Variants in PSME4 observed in about 807,000 individuals in gnomAD.
PSME4 encodes proteasome activator complex subunit 4.
PSME4 carries 89 observed loss-of-function variants against 253.9 expected under a neutral mutation model. The ratio of observed to expected loss-of-function variants is 0.35; its 90% confidence interval spans 0.30 to 0.42. The LOEUF (loss-of-function observed/expected upper bound fraction) is 0.42. PSME4 is among the 10% of genes least tolerant of loss of function. PSME4 has a pLI of 1.00. For missense variants in PSME4, 2,014 were observed against 2,195.2 expected (o/e 0.92, Z 1.65); for synonymous variants, 851 against 759.2 (o/e 1.12, Z -1.99).
intron 31 of PSME4, 112 bp downstream of exon 31, chr2:53,897,758 T>A (rs1264791575): frequency 3.3e-5 from 41 of 1,227,828 alleles, no homozygotes; most frequent in Non-Finnish European, 1.2e-6. Flanking sequence ...TTCAAATCAA[T>A]ACACTTCAAG....
At chr2:53,903,206 C>A (rs1680492381) in intron 27 of PSME4, among the ~76,000 whole-genome samples, 1 of 152,118 alleles carries the variant, frequency 6.6e-6, no homozygotes, top group African/African-American at 2.4e-5. Context: ...GTCTAACTGC[C>A]CACTTGATGG....
chr2:53,931,150 C>T (rs769573655), intron 10 of PSME4, among the ~76,000 whole-genome samples: 12 of 152,030 alleles, frequency 7.9e-5, no homozygotes, highest in East Asian at 1.9e-4. Context: ...TGGTGGCGGG[C>T]GCCTGTGATC....
chr2:53,873,238 C>CAAAAAAAAAAAAAACA (rs60203960), intron 43 of PSME4, among the ~76,000 whole-genome samples: 1 of 123,154 alleles, frequency 8.1e-6, no homozygotes, highest in Non-Finnish European at 1.6e-5. Context: ...GACTCCGTCT[C>CAAAAAAAAAAAAAACA]AAAAAAAAAG....
At chr2:53,883,616 T>A (rs187615195) in intron 41 of PSME4, among the ~76,000 whole-genome samples, 1 of 152,314 alleles carries the variant, frequency 6.6e-6, no homozygotes, top group African/African-American at 2.4e-5. Flanking sequence ...TTGAAAATAA[T>A]CTAGTCCTCT....
At chr2:53,947,397 T>C (rs1180768169) in intron 3 of PSME4, among the ~76,000 whole-genome samples, 2 of 152,178 alleles carry the variant, frequency 1.3e-5, no homozygotes, top group African/African-American at 4.8e-5. Flanking sequence ...GCATAGAGAA[T>C]GGTGCTCTTC....
chr2:53,936,975 CAA>C (rs1216870204), intron 5 of PSME4, 148 bp from the exon 6 acceptor site: 1 of 574,754 alleles, frequency 1.7e-6, no homozygotes, highest in African/African-American at 2.0e-5. Context: ...CTTAATAAAA[CAA>C]AGGGGTATTT....
At chr2:53,877,431 T>G (rs1316124927) in intron 41 of PSME4, among the ~76,000 whole-genome samples, 1 of 151,686 alleles carries the variant, frequency 6.6e-6, no homozygotes, top group African/African-American at 2.4e-5. Flanking sequence ...AAAATAAAGT[T>G]TGCTAAGGGA....
In PSME4 at chr2:53,920,224, G is replaced by A; in HGVS notation, c.2389C>T (p.His797Tyr). ...FLQPELVKLQ[H>Y]CGDGKLEMSR... ...ATTTCAAGTTTTCCATCCCCACAATGCTGGAGTTTGACGAGCTCAGGCTGA... is the reference window on the plus strand; with the variant it reads ...ATTTCAAGTTTTCCATCCCCACAATACTGGAGTTTGACGAGCTCAGGCTGA... The change falls in exon 19 of 47, where the codon CAT becomes TAT. Residue 797 changes from histidine (H) to tyrosine (Y), a missense_variant. Physicochemically the swap from His to Tyr is moderately conservative, Grantham distance 83. This residue lies in a region of PSME4 where 989 missense variants were observed against 1,021.1 expected (regional missense o/e 0.97). Coordinates refer to ENST00000404125, the MANE Select transcript of PSME4 (RefSeq NM_014614.3). 1 of 1,613,040 alleles carries A rather than the reference G, an allele frequency of 6.2e-7. No homozygotes were observed.
At chr2:53,889,334 C>T (rs1279073525) in intron 37 of PSME4, among the ~76,000 whole-genome samples, 4 of 152,074 alleles carry the variant, frequency 2.6e-5, no homozygotes, top group South Asian at 2.1e-4. Context: ...TCCTCCTGTA[C>T]ACTTTAAATC....
At chr2:53,947,476 CA>C (rs1291268612) in intron 3 of PSME4, among the ~76,000 whole-genome samples, 1 of 151,796 alleles carries the variant, frequency 6.6e-6, no homozygotes, top group African/African-American at 2.4e-5. Flanking sequence ...GAGGCTGAGG[CA>C]GGGGGATCAC....
chr2:53,920,365 CA>C lies in PSME4; in HGVS notation c.2263-16del. Reference sequence around the variant, plus strand: ...TTGCCCCAGTCCTAGAAGAGAACAGCATCTACTCAGCAAGTTGAGAAATTAA... The same window carrying C: ...TTGCCCCAGTCCTAGAAGAGAACAGCTCTACTCAGCAAGTTGAGAAATTAA... On this transcript the variant is annotated splice_polypyrimidine_tract_variant and intron_variant, in intron 18 of 46. Transcript: ENST00000404125. 6.3e-7 allele frequency: 1 copy of C among 1,575,566 alleles called. No homozygotes were observed. Among genetic ancestry groups the C allele is most frequent in the Non-Finnish European group, 8.6e-7 (1 of 1,162,364 alleles).
chr2:53,944,701 G>A (rs1465094105), intron 3 of PSME4, among the ~76,000 whole-genome samples: 2 of 152,062 alleles, frequency 1.3e-5, no homozygotes, highest in African/African-American at 4.8e-5. Context: ...AAACTCCTAA[G>A]CATGGCCACA....
intron 24 of PSME4, 82 bp from the exon 25 acceptor site, chr2:53,906,950 G>C: frequency 7.5e-7 from 1 of 1,329,380 alleles, no homozygotes; most frequent in Non-Finnish European, 1.1e-6. Flanking sequence ...ACCTTAATAA[G>C]TGGTCAAAAA....
chr2:53,910,429 C>T lies in PSME4; in HGVS notation c.2517-299G>A, dbSNP rs576222382. Among the ~76,000 whole-genome samples, 490 of 152,252 alleles carry T rather than the reference C, an allele frequency of 3.2e-3. 2 individuals carry two copies. Among genetic ancestry groups the T allele is most frequent in the Non-Finnish European group, 3.6e-3 (248 of 68,008 alleles). ...AAAGATTAAATATGATAAACCTTTA[C>T]ATAAAGAAAAGTCAGCTTAATAATG... On this transcript the variant is annotated intron_variant, in intron 20 of 46. Coordinates refer to ENST00000404125, the MANE Select transcript of PSME4 (RefSeq NM_014614.3).
chr2:53,952,318 G>A (rs1290948674), intron 1 of PSME4, among the ~76,000 whole-genome samples: 3 of 152,090 alleles, frequency 2.0e-5, no homozygotes, highest in South Asian at 2.1e-4. Flanking sequence ...CGAGGCAGAC[G>A]GATCACGAGG....
intron 41 of PSME4, among the ~76,000 whole-genome samples, chr2:53,885,342 T>C (rs1679587572): frequency 6.6e-6 from 1 of 152,248 alleles, no homozygotes; most frequent in Non-Finnish European, 1.5e-5. Context: ...GTAGATTATA[T>C]TAGTAAAGAA....
intron 24 of PSME4, 118 bp downstream of exon 24, chr2:53,908,202 A>G (rs1208504212): frequency 1.4e-6 from 1 of 722,256 alleles, no homozygotes; most frequent in African/African-American, 1.8e-5. Context: ...ACATACTTTT[A>G]AATCTACTAT....
intron 4 of PSME4, among the ~76,000 whole-genome samples, 156 bp downstream of exon 4, chr2:53,939,800 T>A (rs1205442387): frequency 6.6e-6 from 1 of 152,194 alleles, no homozygotes; most frequent in African/African-American, 2.4e-5. Flanking sequence ...TCTGAGAAGT[T>A]CAGTTAATGA....
At position 53,949,195 on chromosome 2, in the gene PSME4, G is replaced by A; in HGVS notation, c.331C>T (p.Leu111=). Reference sequence around the variant, plus strand: ...AATCCCTGCATCATGCTGATTTCCAGTTTTGGAATTGATACCAGCTCATAC... The same window carrying A: ...AATCCCTGCATCATGCTGATTTCCAATTTTGGAATTGATACCAGCTCATAC... ...LLYELVSIPK[L]EISMMQGFAR... The change falls in exon 2 of 47, where the codon CTG becomes TTG. Residue 111 remains leucine (L), a synonymous_variant. Coordinates refer to ENST00000404125, the MANE Select transcript of PSME4 (RefSeq NM_014614.3). 3 of 1,611,696 alleles carry A rather than the reference G, an allele frequency of 1.9e-6. No homozygotes were observed. The highest frequency in any genetic ancestry group is 2.5e-6 in the Non-Finnish European group (3 of 1,178,824).
Sources: gnomAD v4.1 joint callset for allele counts (sites outside exome capture counted in the v4.1 genomes callset) on GRCh38, gnomAD v4.1.1 for gene constraint, gnomAD v4.1.1 regional missense constraint, MANE v1.5 for transcripts, NCBI Gene and HGNC (gene_info 2026-07-23, HGNC 2026-07-21) for gene names.